Variants in MEMO1 observed in about 807,000 individuals in gnomAD.
MEMO1 encodes the protein mediator of cell motility 1, also known as protein MEMO1.
A neutral mutation model predicts 45.2 loss-of-function variants in MEMO1; 6 were observed. The observed-to-expected ratio is 0.13, with a 90% CI of 0.07 to 0.26. The LOEUF is 0.26. MEMO1 is among the 10% of genes least tolerant of loss of function. The pLI is 1.00. For missense variants in MEMO1, 184 were observed against 370.5 expected (o/e 0.50, Z 4.13); for synonymous variants, 78 against 124.3 (o/e 0.63, Z 2.48).
rs151144448 is a variant in MEMO1 at position 31,976,001 on chromosome 2, C to A, written c.62-32618G>T. On this transcript the variant is annotated intron_variant, in intron 2 of 9. Transcript: ENST00000404530. The stretch of plus-strand genomic sequence containing the variant: ...CCTCTCCCAGATTCAAGTGATTCTT[C>A]TGCCTCAGCCTCCCGAGTAGCTGGG... Among the ~76,000 whole-genome samples the A allele has an allele frequency of 4.1e-3, 630 of 152,288 alleles. 9 individuals are homozygous for A. Among genetic ancestry groups the A allele is most frequent in the African/African-American group, 0.015 (619 of 41,568 alleles).
intron 2 of MEMO1, among the ~76,000 whole-genome samples, chr2:31,946,593 G>C (rs1666224922): frequency 6.6e-6 from 1 of 152,180 alleles, no homozygotes; most frequent in African/African-American, 2.4e-5. Flanking sequence ...CAGGCGCGGT[G>C]GCTCATGCCT....
At chr2:31,927,265 A>C (rs1176427624) in intron 4 of MEMO1, among the ~76,000 whole-genome samples, 1 of 152,216 alleles carries the variant, frequency 6.6e-6, no homozygotes, top group Non-Finnish European at 1.5e-5. Flanking sequence ...GGTTGCAGTG[A>C]GCTGAGATAG....
intron 2 of MEMO1, among the ~76,000 whole-genome samples, chr2:32,002,160 A>ATATATAT (rs1280770483): frequency 7.8e-6 from 1 of 127,476 alleles, no homozygotes; most frequent in African/African-American, 3.2e-5. Flanking sequence ...AAAAAAAAAA[A>ATATATAT]AAAAAAAAAT....
chr2:32,006,964 CAAA>C lies in MEMO1; in HGVS notation c.61+3220_61+3222del, dbSNP rs67557055. On this transcript the variant is annotated intron_variant, in intron 2 of 9. Coordinates refer to ENST00000404530, the MANE Select transcript of MEMO1 (RefSeq NM_001301833.4). ...TGGGCAACACAGCAAGATTCCATCT[CAAA>C]AAAAAAAAAAAAAAAAAAAAGAAGT... Among the ~76,000 whole-genome samples, 590 of 75,970 alleles carry C rather than the reference CAAA, an allele frequency of 7.8e-3. 3 individuals are homozygous for C. Among genetic ancestry groups the C allele is most frequent in the African/African-American group, 0.027 (540 of 19,846 alleles). 49.8% of individuals were successfully genotyped at this position (75,970 alleles called of 152,430 possible).
At chr2:31,930,887 G>A (rs1324806370) in intron 4 of MEMO1, among the ~76,000 whole-genome samples, 5 of 144,898 alleles carry the variant, frequency 3.5e-5, no homozygotes, top group Non-Finnish European at 6.0e-5. Context: ...TCAAACTCCT[G>A]ACCTCAGGTA....
At chr2:31,933,036 A>C (rs905977684) in intron 3 of MEMO1, among the ~76,000 whole-genome samples, 2 of 152,112 alleles carry the variant, frequency 1.3e-5, no homozygotes, top group African/African-American at 4.8e-5. Flanking sequence ...CTTCAGCAAT[A>C]AAAAGAAGTG....
Position 31,967,086 on chromosome 2 carries a change from T to G in MEMO1, c.62-23703A>C, listed in dbSNP as rs1668712985. On this transcript the variant is annotated intron_variant, in intron 2 of 9. Coordinates refer to ENST00000404530, the MANE Select transcript of MEMO1 (RefSeq NM_001301833.4). Reference sequence around the variant, plus strand: ...AAAATTGCTGTGTGAGAAATATTAATAGGTCCCAATCATTTACCAGTCAAT... The same window carrying G: ...AAAATTGCTGTGTGAGAAATATTAAGAGGTCCCAATCATTTACCAGTCAAT... 2.0e-5 allele frequency among the ~76,000 whole-genome samples: 3 copies of G among 151,902 alleles called. No homozygotes were observed. The South Asian group carries it at 6.2e-4, about 31-fold the overall frequency.
chr2:31,904,850 T>C (rs549699945), intron 6 of MEMO1, among the ~76,000 whole-genome samples: 18 of 152,342 alleles, frequency 1.2e-4, no homozygotes, highest in African/African-American at 3.8e-4. Flanking sequence ...TCTTTTTCTC[T>C]TGATCAAATT....
At chr2:31,960,510 T>C (rs1180099848) in intron 2 of MEMO1, among the ~76,000 whole-genome samples, 1 of 152,200 alleles carries the variant, frequency 6.6e-6, no homozygotes, top group East Asian at 1.9e-4. Flanking sequence ...GTAACTAATA[T>C]TCAATAATTA....
intron 6 of MEMO1, among the ~76,000 whole-genome samples, chr2:31,915,267 G>A (rs1681259527): frequency 6.6e-6 from 1 of 152,152 alleles, no homozygotes; most frequent in Non-Finnish European, 1.5e-5. Flanking sequence ...CATCCTGGGA[G>A]GGCTGGGTGT....
chr2:31,871,911 G>A (rs1187073623), intron 8 of MEMO1, among the ~76,000 whole-genome samples: 2 of 151,922 alleles, frequency 1.3e-5, no homozygotes, highest in Non-Finnish European at 2.9e-5. Context: ...CTACATGGGA[G>A]GCTGAGACAG....
At chr2:31,935,021 C>G (rs892978855) in intron 3 of MEMO1, among the ~76,000 whole-genome samples, 5 of 152,214 alleles carry the variant, frequency 3.3e-5, no homozygotes, top group Non-Finnish European at 7.3e-5. Context: ...TTACTGACTA[C>G]TTCCTATGTA....
At chr2:31,927,230 G>A (rs1023996772) in intron 4 of MEMO1, among the ~76,000 whole-genome samples, 1 of 152,146 alleles carries the variant, frequency 6.6e-6, no homozygotes, top group Non-Finnish European at 1.5e-5. Context: ...TGAGGCAGGA[G>A]AATCACTTGA....
At chr2:31,977,607 A>C (rs987273047) in intron 2 of MEMO1, among the ~76,000 whole-genome samples, 2 of 152,064 alleles carry the variant, frequency 1.3e-5, no homozygotes, top group Non-Finnish European at 2.9e-5. Context: ...TCTGCCTCCT[A>C]GGTACAAGCG....
chr2:31,911,268 T>A (rs540870215), intron 6 of MEMO1, among the ~76,000 whole-genome samples: 3 of 152,130 alleles, frequency 2.0e-5, no homozygotes, highest in Non-Finnish European at 4.4e-5. Context: ...GAAAGCCAAT[T>A]TGAAAGGCTA....
chr2:31,933,351 T>TAAA (rs869274123), intron 3 of MEMO1, among the ~76,000 whole-genome samples: 22 of 45,086 alleles, frequency 4.9e-4, no homozygotes, highest in Non-Finnish European at 7.5e-4. Context: ...AAAAAAAAAT[T>TAAA]TATATATATA....
At chr2:31,903,114 TAC>T (rs1488961208) in intron 6 of MEMO1, among the ~76,000 whole-genome samples, 12 of 152,318 alleles carry the variant, frequency 7.9e-5, no homozygotes, top group African/African-American at 2.9e-4. Context: ...TTATGAAATA[TAC>T]AAATACTTAT....
chr2:31,919,949 C>CGT (rs61002743), intron 5 of MEMO1, among the ~76,000 whole-genome samples: 13,959 of 145,228 alleles, frequency 0.096, 678 homozygotes, highest in Middle Eastern at 0.2. Flanking sequence ...CACACATACA[C>CGT]GTGTGTGTGT....
At chr2:31,923,685 T>C in intron 4 of MEMO1, 6 of 1,548,174 alleles carry the variant, frequency 3.9e-6, no homozygotes, top group Non-Finnish European at 5.2e-6. Context: ...GAGGAAAATA[T>C]GAAAAGACAG....
Sources: allele counts gnomAD v4.1 joint callset (sites outside exome capture counted in the v4.1 genomes callset), GRCh38; gene constraint gnomAD v4.1.1; transcripts MANE v1.5; gene names NCBI Gene and HGNC (gene_info 2026-07-23, HGNC 2026-07-21).